The following SUGCT variants were observed in gnomAD, a reference collection of about 807,000 sequenced individuals.
SUGCT encodes succinyl-CoA:glutarate CoA-transferase.
Under a neutral mutation model 55.0 loss-of-function variants are expected in SUGCT, and 41 were observed. The observed-to-expected ratio is 0.74, with a 90% CI of 0.58 to 0.97. SUGCT has a LOEUF of 0.97. Among genes scored for constraint, SUGCT ranks in the 50% least tolerant of loss-of-function variants. The probability of loss-of-function intolerance (pLI) is 0.00; values close to 1 mark genes in which losing one functional copy is unlikely to be tolerated. For missense variants in SUGCT, 568 were observed against 547.8 expected (o/e 1.04, Z -0.37); for synonymous variants, 187 against 200.4 (o/e 0.93, Z 0.56).
At chr7:40,883,697 T>A in the SUGCT span, among the ~76,000 whole-genome samples, 1 of 152,224 alleles carries the variant, frequency 6.6e-6, no homozygotes, top group South Asian at 2.1e-4. Flanking sequence ...AGGGTGGGAC[T>A]TTCCAGGATG....
At chr7:40,703,335 T>C (rs1002357815) in intron 12 of SUGCT, among the ~76,000 whole-genome samples, 3 of 152,146 alleles carry the variant, frequency 2.0e-5, no homozygotes, top group African/African-American at 4.8e-5. Context: ...CAGGGTCCGA[T>C]TGACCATGGT....
intron 12 of SUGCT, among the ~76,000 whole-genome samples, chr7:40,666,847 C>G (rs182488939): frequency 6.6e-6 from 1 of 152,004 alleles, no homozygotes; most frequent in African/African-American, 2.4e-5. Flanking sequence ...ATCATGGACT[C>G]GCAACTTGAA....
At position 40,323,091 on chromosome 7, in the gene SUGCT, A is replaced by G. The variant is rs573516269; in HGVS notation, c.816+6236A>G. Among the ~76,000 whole-genome samples, 3 of 151,678 alleles carry G rather than the reference A, an allele frequency of 2.0e-5. No homozygotes were observed. In the South Asian group the frequency reaches 6.3e-4, roughly 32 times the overall value. On this transcript the variant is annotated intron_variant, in intron 9 of 13. Transcript: ENST00000335693. ...TTGGCCATCTGTTATCACCTGGACA[A>G]TTTTCCCATATGGCTCTGTTAATCT...
At chr7:40,209,745 G>A (rs1056216479) in intron 6 of SUGCT, among the ~76,000 whole-genome samples, 3 of 150,994 alleles carry the variant, frequency 2.0e-5, no homozygotes, top group South Asian at 2.1e-4. Flanking sequence ...ACAGTGAGCC[G>A]AGATCGTGCC....
chr7:40,921,726 G>A, the SUGCT span, among the ~76,000 whole-genome samples: 1 of 152,130 alleles, frequency 6.6e-6, no homozygotes, highest in Non-Finnish European at 1.5e-5. Context: ...CGGGGGTGGT[G>A]GCTGTAACCT....
rs192516079 is a variant in SUGCT at position 40,716,796 on chromosome 7, C to T, written c.1090-32638C>T. ...ACTAAACACAACCACAGTATATAAA[C>T]GCAGATAATATATTTTATAGATTTC... On this transcript the variant is annotated intron_variant, in intron 12 of 13. Transcript: ENST00000335693. 4.3e-3 allele frequency among the ~76,000 whole-genome samples: 650 copies of T among 151,802 alleles called. 1 individual carries two copies. Among genetic ancestry groups the T allele is most frequent in the Middle Eastern group, 6.8e-3 (2 of 294 alleles).
chr7:40,449,547 T>G (rs1485108279), intron 10 of SUGCT, among the ~76,000 whole-genome samples, 189 bp downstream of exon 10: 2 of 152,188 alleles, frequency 1.3e-5, no homozygotes, highest in African/African-American at 4.8e-5. Flanking sequence ...GGCTGTATTT[T>G]AAAGTGAAGA....
chr7:40,273,224 G>C (rs1792220559), intron 7 of SUGCT, among the ~76,000 whole-genome samples: 1 of 152,020 alleles, frequency 6.6e-6, no homozygotes. Flanking sequence ...TGAAAAGCAG[G>C]GAAAAATAAG....
At chr7:40,258,438 G>A (rs1230151386) in intron 7 of SUGCT, among the ~76,000 whole-genome samples, 1 of 152,140 alleles carries the variant, frequency 6.6e-6, no homozygotes, top group Non-Finnish European at 1.5e-5. Flanking sequence ...GAGTGCAATG[G>A]CGCGATCTTG....
At chr7:40,358,717 AAACAACAACAACAAT>A (rs1383623640) in intron 9 of SUGCT, among the ~76,000 whole-genome samples, 1 of 150,658 alleles carries the variant, frequency 6.6e-6, no homozygotes, top group Non-Finnish European at 1.5e-5. Context: ...TCCATCTCAA[AAACAACAACAACAAT>A]AACAACAACA....
At chr7:40,943,351 A>G in the SUGCT span, among the ~76,000 whole-genome samples, 29 of 150,548 alleles carry the variant, frequency 1.9e-4, no homozygotes, top group African/African-American at 6.8e-4. Flanking sequence ...ACATATGTAT[A>G]CATGTGCCAT....
intron 12 of SUGCT, among the ~76,000 whole-genome samples, chr7:40,594,731 G>C (rs1398811579): frequency 1.3e-5 from 2 of 152,168 alleles, no homozygotes; most frequent in East Asian, 3.8e-4. Flanking sequence ...AGACAATAAA[G>C]AAGTAGGACA....
At chr7:40,251,226 C>T (rs1406880968) in intron 7 of SUGCT, among the ~76,000 whole-genome samples, 1 of 152,216 alleles carries the variant, frequency 6.6e-6, no homozygotes, top group African/African-American at 2.4e-5. Flanking sequence ...TTCCTTCCAT[C>T]TTCCCTCTCT....
intron 13 of SUGCT, among the ~76,000 whole-genome samples, chr7:40,838,775 C>T (rs144037716): frequency 1.1e-3 from 167 of 152,228 alleles, no homozygotes; most frequent in African/African-American, 3.7e-3. Context: ...CTAGAACTTA[C>T]AGTACTTTGT....
chr7:40,504,015 A>G (rs1430512895), intron 12 of SUGCT, among the ~76,000 whole-genome samples: 1 of 152,204 alleles, frequency 6.6e-6, no homozygotes. Flanking sequence ...ACAAACTCAG[A>G]AAATCCAAAG....
chr7:40,666,280 G>T (rs138295007), intron 12 of SUGCT, among the ~76,000 whole-genome samples: 1,717 of 151,706 alleles, frequency 0.011, 12 homozygotes, highest in Non-Finnish European at 0.016. Context: ...TACCTGGGAG[G>T]CGGAGGTTGC....
chr7:40,531,118 A>G (rs1794058410), intron 12 of SUGCT, among the ~76,000 whole-genome samples: 1 of 152,226 alleles, frequency 6.6e-6, no homozygotes, highest in Non-Finnish European at 1.5e-5. Context: ...TCGGAAGCCA[A>G]GGGGATGAAT....
intron 12 of SUGCT, among the ~76,000 whole-genome samples, chr7:40,566,369 T>G (rs925792812): frequency 1.3e-5 from 2 of 152,210 alleles, no homozygotes; most frequent in African/African-American, 2.4e-5. Context: ...GGTGTTAATG[T>G]GTTCCTGACA....
chr7:40,914,979 G>T, the SUGCT span, among the ~76,000 whole-genome samples: 6 of 152,276 alleles, frequency 3.9e-5, no homozygotes, highest in Middle Eastern at 3.4e-3. Flanking sequence ...AATTTTGCAG[G>T]TTTAGAAAAG....
Sources: gnomAD v4.1 joint callset for allele counts (sites outside exome capture counted in the v4.1 genomes callset) on GRCh38, gnomAD v4.1.1 for gene constraint, MANE v1.5 for transcripts, NCBI Gene and HGNC (gene_info 2026-07-23, HGNC 2026-07-21) for gene names.